Variants in TMEM255A observed in about 807,000 individuals in gnomAD.
The protein encoded by TMEM255A is family with sequence similarity 70, member A.
A neutral mutation model predicts 23.5 loss-of-function variants in TMEM255A; 14 were observed. The ratio of observed to expected loss-of-function variants is 0.60; its 90% CI spans 0.39 to 0.93. The LOEUF (loss-of-function observed/expected upper bound fraction) is 0.93, where lower values mean the gene tolerates loss of function less well. TMEM255A is among the 40% of genes least tolerant of loss of function. TMEM255A has a pLI of 0.00. For missense variants in TMEM255A, 233 were observed against 261.7 expected (o/e 0.89, Z 0.76); for synonymous variants, 104 against 100.3 (o/e 1.04, Z -0.22).
At chrX:120,305,582 C>T (rs1456751465) in intron 1 of TMEM255A, among the ~76,000 whole-genome samples, 2 of 110,462 alleles carry the variant, frequency 1.8e-5, no homozygotes, top group African/African-American at 6.6e-5. Context: ...TTGAGTCTGT[C>T]CATAAGACCC....
chrX:120,252,310 C>T, the TMEM255A span, among the ~76,000 whole-genome samples: 13 of 109,828 alleles, frequency 1.2e-4, no homozygotes, highest in African/African-American at 4.3e-4. Flanking sequence ...TATATAATAT[C>T]CATATATTAA....
intron 2 of TMEM255A, among the ~76,000 whole-genome samples, chrX:120,300,600 G>A (rs959448576): frequency 3.5e-5 from 3 of 85,269 alleles, no homozygotes. Flanking sequence ...TTGTCATGTT[G>A]TCTAGGCTGG....
intron 2 of TMEM255A, among the ~76,000 whole-genome samples, chrX:120,303,154 G>C (rs1569341549): frequency 9.0e-6 from 1 of 111,488 alleles, no homozygotes. Context: ...AATGCAACTA[G>C]TTTAGCAGTC....
chrX:120,257,026 A>G (rs2057642814), downstream of TMEM255A: 1 of 122,731 alleles, frequency 8.1e-6, no homozygotes, highest in African/African-American at 3.3e-5. Context: ...TAGTGGTTTC[A>G]GTGTTTCTTA....
chrX:120,276,862 T>C lies in TMEM255A; in HGVS notation c.675+23A>G, dbSNP rs782120338. 5.8e-6 allele frequency: 7 copies of C among 1,203,100 alleles called. No homozygotes were observed. The Admixed American group carries it at 1.1e-4, about 19-fold the overall frequency. On this transcript the variant is annotated intron_variant, in intron 7 of 8. Transcript: ENST00000371369. ...ATGTCCAACAGGGGCCACTGTGAAA[T>C]GCAAAGTCAATTCTTTCCTTACCAT... is the stretch of plus-strand genomic sequence containing the variant.
intron 7 of TMEM255A, among the ~76,000 whole-genome samples, chrX:120,270,574 T>C (rs980961584): frequency 9.0e-6 from 1 of 111,625 alleles, no homozygotes; most frequent in East Asian, 2.8e-4. Flanking sequence ...GAAAGATATA[T>C]TCACTTTTTA....
rs1399149613 is a variant in TMEM255A at position 120,265,938 on chromosome X, T to C, written c.819+2306A>G. 5.2e-5 allele frequency among the ~76,000 whole-genome samples: 5 copies of C among 96,752 alleles called. No homozygotes were observed. The Admixed American group carries it at 5.6e-4, about 11-fold the overall frequency. 84.0% of individuals were successfully genotyped at this position (96,752 alleles called of 115,157 possible). A position where few individuals can be genotyped will look rare whatever the true frequency, so the allele number is the denominator to read the frequency against. ...GGCGGGTGAATCACGAGGTCAGGAGTTTGAGACCAGCCTGGCCAACATGGT... is the reference window on the plus strand; with the variant it reads ...GGCGGGTGAATCACGAGGTCAGGAGCTTGAGACCAGCCTGGCCAACATGGT... On this transcript the variant is annotated intron_variant, in intron 8 of 8. Transcript: ENST00000371369.
chrX:120,273,995 A>G (rs1485476815), intron 7 of TMEM255A, among the ~76,000 whole-genome samples: 1 of 112,523 alleles, frequency 8.9e-6, no homozygotes, highest in East Asian at 2.8e-4. Flanking sequence ...CTAAAACATG[A>G]AAACAACCCA....
chrX:120,291,620 A>G (rs1468778873), intron 3 of TMEM255A, among the ~76,000 whole-genome samples: 1 of 103,899 alleles, frequency 9.6e-6, no homozygotes, highest in Non-Finnish European at 2.0e-5. Context: ...CATGCTGTCC[A>G]TGAAGGAATT....
chrX:120,277,893 C>T (rs1210363037), intron 6 of TMEM255A, among the ~76,000 whole-genome samples: 2 of 112,000 alleles, frequency 1.8e-5, no homozygotes, highest in African/African-American at 3.3e-5. Context: ...TCACATTATC[C>T]GCTATGGAAT....
chrX:120,297,025 T>C (rs1603403516), intron 2 of TMEM255A, among the ~76,000 whole-genome samples: 2 of 4,194 alleles, frequency 4.8e-4, no homozygotes, highest in African/African-American at 2.5e-3. Flanking sequence ...ATATATTATA[T>C]ATATATAATA....
chrX:120,277,698 C>A (rs545578623), intron 6 of TMEM255A, among the ~76,000 whole-genome samples: 2 of 112,210 alleles, frequency 1.8e-5, no homozygotes, highest in African/African-American at 6.5e-5. Context: ...TGAATTCAGG[C>A]TTCAAAGACT....
In TMEM255A at chrX:120,268,300, TG is replaced by T. The variant is rs782792746; in HGVS notation, c.762del (p.Tyr254Ter). On this transcript the variant is annotated frameshift_variant, in exon 8 of 9. Transcript: ENST00000371369. LOFTEE classifies it high-confidence loss of function. ...SYYAHPQVAS[Y>X]NTYYHSPPHL... ...TGAGGAGGGCTATGGTAGTAGGTAT[TG>T]TAGGATGCCACTTGGGGATGAGCAT... The T allele has an allele frequency of 3.3e-6, 4 of 1,208,452 alleles. No individual in the cohort carries two copies. The highest frequency in any genetic ancestry group is 4.5e-6 in the Non-Finnish European group (4 of 892,684).
Position 120,309,316 on chromosome X carries a change from C to T in TMEM255A, c.58+1936G>A, listed in dbSNP as rs1038559832. Among the ~76,000 whole-genome samples, 37 of 113,397 alleles carry T rather than the reference C, an allele frequency of 3.3e-4. 1 individual carries two copies. The highest frequency in any genetic ancestry group is 1.2e-3 in the African/African-American group (37 of 31,299). ...GAGACTGGGCTGGGCGAAGCCCACT[C>T]AGCTGTTTGTTGCGCAGACCTTTCG... On this transcript the variant is annotated intron_variant, in intron 1 of 8. Transcript: ENST00000371369.
At chrX:120,300,542 A>C (rs2058026670) in intron 2 of TMEM255A, among the ~76,000 whole-genome samples, 1 of 98,080 alleles carries the variant, frequency 1.0e-5, no homozygotes, top group Non-Finnish European at 2.0e-5. Flanking sequence ...CTCATGCCAC[A>C]GGGCCAGGCT....
At chrX:120,296,063 A>G (rs192246614) in intron 2 of TMEM255A, among the ~76,000 whole-genome samples, 2 of 111,147 alleles carry the variant, frequency 1.8e-5, no homozygotes, top group Non-Finnish European at 3.8e-5. Flanking sequence ...TCCTTTTGGC[A>G]CTCTGGGCCA....
chrX:120,254,021 G>A (rs781784684), downstream of TMEM255A: 1 of 1,209,470 alleles, frequency 8.3e-7, no homozygotes, highest in Non-Finnish European at 1.1e-6. Flanking sequence ...CCGAGATTCT[G>A]CCCACAAAGG....
At chrX:120,263,148 C>T (rs782377691) in intron 8 of TMEM255A, among the ~76,000 whole-genome samples, 32 of 111,728 alleles carry the variant, frequency 2.9e-4, no homozygotes, top group Non-Finnish European at 5.3e-4. Context: ...GGAAAAGGCC[C>T]ATAGTACCAG....
chrX:120,292,795 C>T (rs2057925603), intron 3 of TMEM255A, among the ~76,000 whole-genome samples: 1 of 110,484 alleles, frequency 9.1e-6, no homozygotes, highest in Middle Eastern at 4.2e-3. Flanking sequence ...TAGGGTTCTC[C>T]CACCTCAACA....
Sources: gnomAD v4.1 joint callset for allele counts (sites outside exome capture counted in the v4.1 genomes callset) on GRCh38, gnomAD v4.1.1 for gene constraint, MANE v1.5 for transcripts, NCBI Gene and HGNC (gene_info 2026-07-23, HGNC 2026-07-21) for gene names.